The following HS3ST4 variants were observed in gnomAD, a reference collection of about 807,000 sequenced individuals.
HS3ST4 encodes the protein heparan sulfate-glucosamine 3-sulfotransferase 4, also known as heparan sulfate glucosamine 3-O-sulfotransferase 4.
Under a neutral mutation model 29.2 loss-of-function variants are expected in HS3ST4, and 17 were observed. That is an observed-to-expected ratio of 0.58 (90% CI 0.40 to 0.87). The LOEUF (loss-of-function observed/expected upper bound fraction) is 0.87. Among genes scored for constraint, HS3ST4 ranks in the 40% least tolerant of loss-of-function variants. HS3ST4 has a pLI of 0.00. For synonymous variants in HS3ST4, 314 were observed against 285.7 expected, an observed-to-expected ratio of 1.10 and a Z score of -1.00; for missense variants, 627 against 634.5, an observed-to-expected ratio of 0.99 and a Z score of 0.13.
rs573651233 is a variant in HS3ST4, at chr16:25,920,833, G to A, written c.735-214779G>A. On this transcript the variant is annotated intron_variant, in intron 1 of 1. Transcript: ENST00000331351. Reference sequence around the variant, plus strand: ...GGGTTTCACCATGTTGCCCAGGCTGGTCTCGAACTCCTGAGCTCAAGTGAC... The same window carrying A: ...GGGTTTCACCATGTTGCCCAGGCTGATCTCGAACTCCTGAGCTCAAGTGAC... 1.2e-3 allele frequency among the ~76,000 whole-genome samples: 187 copies of A among 152,060 alleles called. 3 individuals carry two copies. Among genetic ancestry groups the A allele is most frequent in the African/African-American group, 4.2e-3 (174 of 41,490 alleles).
chr16:25,751,330 C>G (rs768960879), intron 1 of HS3ST4, among the ~76,000 whole-genome samples: 4 of 152,152 alleles, frequency 2.6e-5, no homozygotes, highest in Non-Finnish European at 5.9e-5. Context: ...CAGTTTCCCT[C>G]CATACACTCC....
intron 1 of HS3ST4, among the ~76,000 whole-genome samples, chr16:25,896,986 G>A (rs1968073053): frequency 6.6e-6 from 1 of 152,148 alleles, no homozygotes; most frequent in Non-Finnish European, 1.5e-5. Flanking sequence ...AGTAGACACT[G>A]AGGAATACAA....
At chr16:25,754,910 C>T (rs1408331520) in intron 1 of HS3ST4, among the ~76,000 whole-genome samples, 1 of 151,830 alleles carries the variant, frequency 6.6e-6, no homozygotes, top group African/African-American at 2.4e-5. Context: ...CCTGCCCATC[C>T]ACCCATCCAT....
At chr16:25,712,998 T>C (rs1293752853) in intron 1 of HS3ST4, among the ~76,000 whole-genome samples, 2 of 152,190 alleles carry the variant, frequency 1.3e-5, no homozygotes, top group Admixed American at 1.3e-4. Flanking sequence ...TCTCTTCTTA[T>C]AAGGACAGCT....
chr16:26,130,138 T>C (rs1158385064), intron 1 of HS3ST4, among the ~76,000 whole-genome samples: 2 of 152,172 alleles, frequency 1.3e-5, no homozygotes, highest in African/African-American at 2.4e-5. Context: ...CATTTGGGGC[T>C]GTGAGAGCAG....
intron 1 of HS3ST4, among the ~76,000 whole-genome samples, chr16:25,792,648 C>T (rs1966871717): frequency 6.6e-6 from 1 of 151,772 alleles, no homozygotes; most frequent in South Asian, 2.1e-4. Flanking sequence ...TGTTATCGCT[C>T]CTCTGATTCT....
intron 1 of HS3ST4, among the ~76,000 whole-genome samples, chr16:25,761,064 T>TC (rs1966785965): frequency 6.6e-6 from 1 of 152,104 alleles, no homozygotes; most frequent in Non-Finnish European, 1.5e-5. Context: ...GAGACCGACC[T>TC]CCCCATCAGA....
intron 1 of HS3ST4, among the ~76,000 whole-genome samples, chr16:25,827,785 T>C (rs182431358): frequency 6.6e-6 from 1 of 152,276 alleles, no homozygotes; most frequent in Non-Finnish European, 1.5e-5. Context: ...TGGCCTACTA[T>C]GTGCCAGATT....
At chr16:25,789,532 T>C (rs1447977122) in intron 1 of HS3ST4, among the ~76,000 whole-genome samples, 2 of 151,080 alleles carry the variant, frequency 1.3e-5, no homozygotes, top group East Asian at 4.0e-4. Context: ...CCCCTCCTCC[T>C]CTTTTTTTCT....
chr16:26,012,247 G>A (rs915650459), intron 1 of HS3ST4, among the ~76,000 whole-genome samples: 2 of 152,194 alleles, frequency 1.3e-5, no homozygotes, highest in Non-Finnish European at 1.5e-5. Flanking sequence ...GCTCAATAGA[G>A]CTTCCTGTCA....
chr16:25,720,957 G>C (rs955106090), intron 1 of HS3ST4, among the ~76,000 whole-genome samples: 1 of 152,230 alleles, frequency 6.6e-6, no homozygotes, highest in African/African-American at 2.4e-5. Context: ...CCAACCATGA[G>C]TCATCTTCTA....
At chr16:26,092,156 T>C (rs1898865295) in intron 1 of HS3ST4, among the ~76,000 whole-genome samples, 1 of 152,064 alleles carries the variant, frequency 6.6e-6, no homozygotes, top group South Asian at 2.1e-4. Context: ...CCTCTAGAAC[T>C]CTCCTCCTGA....
At chr16:25,969,455 T>G (rs111230904) in intron 1 of HS3ST4, among the ~76,000 whole-genome samples, 2,473 of 152,214 alleles carry the variant, frequency 0.016, 33 homozygotes, top group South Asian at 0.027. Context: ...ACAGAGCTCG[T>G]GGGGGTGGAG....
intron 1 of HS3ST4, among the ~76,000 whole-genome samples, chr16:25,737,568 T>A (rs1368409703): frequency 1.3e-5 from 2 of 152,048 alleles, no homozygotes; most frequent in Non-Finnish European, 1.5e-5. Flanking sequence ...GAGAGTGTAA[T>A]GATAAATATT....
At chr16:25,867,868 C>T (rs1220117224) in intron 1 of HS3ST4, among the ~76,000 whole-genome samples, 2 of 152,016 alleles carry the variant, frequency 1.3e-5, no homozygotes, top group Non-Finnish European at 2.9e-5. Context: ...TCAGTTTACC[C>T]AGTTGTGAAA....
intron 1 of HS3ST4, among the ~76,000 whole-genome samples, chr16:25,707,785 T>C (rs538348355): frequency 2.0e-5 from 3 of 152,338 alleles, no homozygotes; most frequent in Admixed American, 6.5e-5. Context: ...CCCAGGGCCT[T>C]TGCACTTGCT....
chr16:26,017,416 T>C (rs545714026), intron 1 of HS3ST4, among the ~76,000 whole-genome samples: 6 of 152,332 alleles, frequency 3.9e-5, no homozygotes, highest in African/African-American at 7.2e-5. Flanking sequence ...TTGGTTGATA[T>C]TGGCTGCGTG....
chr16:25,706,997 C>T (rs114091852), intron 1 of HS3ST4, among the ~76,000 whole-genome samples: 7,260 of 152,254 alleles, frequency 0.048, 201 homozygotes, highest in Non-Finnish European at 0.06. Context: ...TGACATCTTG[C>T]GCTGTCCTGC....
At chr16:25,886,893 CTGTT>C (rs1967959911) in intron 1 of HS3ST4, 1 of 152,182 alleles carries the variant, frequency 6.6e-6, no homozygotes, top group Non-Finnish European at 1.5e-5. Context: ...ATGGAGCTGA[CTGTT>C]TGTCCTTTGC....
Sources: allele counts gnomAD v4.1 joint callset (sites outside exome capture counted in the v4.1 genomes callset), GRCh38; gene constraint gnomAD v4.1.1; transcripts MANE v1.5; gene names NCBI Gene and HGNC (gene_info 2026-07-23, HGNC 2026-07-21).